Variants in EFNA5 observed in about 807,000 individuals in gnomAD.
The protein encoded by EFNA5 is ephrin A5.
In EFNA5, 5 loss-of-function variants were observed where a neutral mutation model predicts 22.9. The observed-to-expected ratio is 0.22, with a 90% CI of 0.11 to 0.46. EFNA5 has a LOEUF of 0.46. Among genes scored for constraint, EFNA5 ranks in the 20% least tolerant of loss-of-function variants. The pLI is 0.99. For missense variants in EFNA5, 237 were observed against 293.3 expected (o/e 0.81, Z 1.40); for synonymous variants, 113 against 112.2 (o/e 1.01, Z -0.04).
intron 2 of EFNA5, among the ~76,000 whole-genome samples, chr5:107,391,562 G>A (rs552137451): frequency 2.8e-4 from 43 of 152,184 alleles, no homozygotes; most frequent in Non-Finnish European, 5.3e-4. Flanking sequence ...AAAGACACAT[G>A]GATTTTCTAA....
chr5:107,493,143 G>A (rs1746862384), intron 1 of EFNA5, among the ~76,000 whole-genome samples: 1 of 151,176 alleles, frequency 6.6e-6, no homozygotes, highest in Admixed American at 6.6e-5. Context: ...GTTACATAAT[G>A]TCTCTCCAGA....
chr5:107,450,309 A>G (rs1238719438), intron 1 of EFNA5, among the ~76,000 whole-genome samples: 1 of 152,176 alleles, frequency 6.6e-6, no homozygotes, highest in Non-Finnish European at 1.5e-5. Context: ...AGATGACAGC[A>G]AAATCTTCAC....
chr5:107,497,979 G>C (rs528744342), intron 1 of EFNA5, among the ~76,000 whole-genome samples: 1 of 152,132 alleles, frequency 6.6e-6, no homozygotes, highest in Non-Finnish European at 1.5e-5. Flanking sequence ...GCAGTGGCGC[G>C]ATCTCGGCTT....
chr5:107,582,614 C>T (rs1436422866), intron 1 of EFNA5, among the ~76,000 whole-genome samples: 2 of 152,050 alleles, frequency 1.3e-5, no homozygotes, highest in African/African-American at 4.8e-5. Flanking sequence ...AAAGTGACTC[C>T]TCCATTACTG....
chr5:107,614,549 T>C (rs1014082674), intron 1 of EFNA5, among the ~76,000 whole-genome samples: 7 of 152,132 alleles, frequency 4.6e-5, no homozygotes, highest in Non-Finnish European at 8.8e-5. Context: ...ATGTGTCCAT[T>C]TATCATTCTG....
At chr5:107,427,604 A>G in intron 1 of EFNA5, 95 bp from the exon 2 acceptor site, 1 of 1,164,794 alleles carries the variant, frequency 8.6e-7, no homozygotes, top group African/African-American at 1.5e-5. Flanking sequence ...TTGGAGCTAA[A>G]GCATCTAGTA....
At chr5:107,545,359 C>G (rs1748125772) in intron 1 of EFNA5, among the ~76,000 whole-genome samples, 1 of 152,136 alleles carries the variant, frequency 6.6e-6, no homozygotes, top group Non-Finnish European at 1.5e-5. Flanking sequence ...GGTTTTCTAC[C>G]AATCTGATTA....
chr5:107,645,743 T>G (rs1355871089), intron 1 of EFNA5, among the ~76,000 whole-genome samples: 6 of 152,224 alleles, frequency 3.9e-5, no homozygotes, highest in Admixed American at 3.3e-4. Context: ...ATGCAACTCT[T>G]GATTTGGAGA....
At chr5:107,477,378 G>C (rs1750339885) in intron 1 of EFNA5, among the ~76,000 whole-genome samples, 1 of 152,032 alleles carries the variant, frequency 6.6e-6, no homozygotes, top group East Asian at 1.9e-4. Flanking sequence ...TATCTTTCTG[G>C]ACTGTTTAAA....
chr5:107,381,490 T>C, intron 4 of EFNA5, 114 bp from the exon 5 acceptor site: 1 of 1,210,132 alleles, frequency 8.3e-7, no homozygotes, highest in Non-Finnish European at 1.1e-6. Context: ...GTAATGAACC[T>C]TGTGCCACCA....
intron 1 of EFNA5, among the ~76,000 whole-genome samples, chr5:107,551,078 T>C (rs986760346): frequency 3.3e-5 from 5 of 152,226 alleles, no homozygotes; most frequent in African/African-American, 1.2e-4. Context: ...GAGCTTTTTA[T>C]AGTATAATTA....
At chr5:107,621,588 T>C (rs1167445062) in intron 1 of EFNA5, among the ~76,000 whole-genome samples, 2 of 152,182 alleles carry the variant, frequency 1.3e-5, no homozygotes, top group Non-Finnish European at 2.9e-5. Context: ...TGAATCCATC[T>C]CCTGGCTCCA....
chr5:107,467,860 C>G (rs1341039025), intron 1 of EFNA5, among the ~76,000 whole-genome samples: 1 of 152,096 alleles, frequency 6.6e-6, no homozygotes, highest in African/African-American at 2.4e-5. Context: ...CACAGCAAAT[C>G]AAAAATCATC....
At chr5:107,509,648 T>C (rs1173160111) in intron 1 of EFNA5, among the ~76,000 whole-genome samples, 1 of 152,094 alleles carries the variant, frequency 6.6e-6, no homozygotes, top group Non-Finnish European at 1.5e-5. Context: ...CAACTCTTTT[T>C]ACACCCCTTA....
At position 107,528,170 on chromosome 5, in the gene EFNA5, G is replaced by A. The variant is rs565566577; in HGVS notation, c.126-100661C>T. Among the ~76,000 whole-genome samples the A allele has an allele frequency of 7.2e-5, 11 of 152,160 alleles. 1 individual carries two copies. In the South Asian group the frequency reaches 1.0e-3, roughly 14 times the overall value. On this transcript the variant is annotated intron_variant, in intron 1 of 4. Transcript: ENST00000333274. ...AAATGGGAATGGTAGTACTTACCCCGCTCGCCTCACCAGGCTGCTGTGACA... is the reference window on the plus strand; with the variant it reads ...AAATGGGAATGGTAGTACTTACCCCACTCGCCTCACCAGGCTGCTGTGACA...
intron 1 of EFNA5, among the ~76,000 whole-genome samples, chr5:107,509,485 ATTTTTTTT>A (rs35228224): frequency 8.0e-6 from 1 of 125,242 alleles, no homozygotes; most frequent in Non-Finnish European, 1.7e-5. Context: ...TGCTTGGCTA[ATTTTTTTT>A]TTTTTTTTTT....
In EFNA5 at chr5:107,511,002, T is replaced by TTGTGTGTGTG. The variant is rs71644591; in HGVS notation, c.126-83503_126-83494dup. 9.0e-3 allele frequency among the ~76,000 whole-genome samples: 1,267 copies of TTGTGTGTGTG among 140,370 alleles called. 10 individuals carry two copies. The highest frequency in any genetic ancestry group is 0.012 in the African/African-American group (445 of 36,734). 92.1% of individuals were successfully genotyped at this position (140,370 alleles called of 152,430 possible). ...CATAGTTGCATTTCTTTCTTTTTCTTTGTGTGTGTGTGTGTGTGTGTGTGT... is the reference window on the plus strand; with the variant it reads ...CATAGTTGCATTTCTTTCTTTTTCTTTGTGTGTGTGTGTGTGTGTGTGTGTGTGTGTGTGT... On this transcript the variant is annotated intron_variant, in intron 1 of 4. Coordinates refer to ENST00000333274, the MANE Select transcript of EFNA5 (RefSeq NM_001962.3).
At chr5:107,640,573 G>C (rs1277288091) in intron 1 of EFNA5, among the ~76,000 whole-genome samples, 1 of 152,182 alleles carries the variant, frequency 6.6e-6, no homozygotes, top group Non-Finnish European at 1.5e-5. Context: ...TAAGGCCTGA[G>C]GGGCGAATCC....
chr5:107,580,908 G>A (rs1024832389), intron 1 of EFNA5, among the ~76,000 whole-genome samples: 72 of 152,120 alleles, frequency 4.7e-4, no homozygotes, highest in African/African-American at 1.7e-3. Flanking sequence ...TTTAAAATCA[G>A]CATGTTCCAA....
Sources: gnomAD v4.1 joint callset for allele counts (sites outside exome capture counted in the v4.1 genomes callset) on GRCh38, gnomAD v4.1.1 for gene constraint, MANE v1.5 for transcripts, NCBI Gene and HGNC (gene_info 2026-07-23, HGNC 2026-07-21) for gene names.